Variants in UBE2E2 observed in about 807,000 individuals in gnomAD.
UBE2E2 encodes ubiquitin-conjugating enzyme E2 E2.
UBE2E2 carries 6 observed loss-of-function variants against 24.7 expected under a neutral mutation model. The ratio of observed to expected loss-of-function variants is 0.24; its 90% CI spans 0.13 to 0.48. The LOEUF (loss-of-function observed/expected upper bound fraction) is 0.48. UBE2E2 is among the 20% of genes least tolerant of loss of function. The pLI is 0.99. For missense variants in UBE2E2, 169 were observed against 245.0 expected, an observed-to-expected ratio of 0.69 and a Z score of 2.07; for synonymous variants, 104 against 83.6, an observed-to-expected ratio of 1.24 and a Z score of -1.33.
At chr3:23,519,499 A>C (rs1694812784) in intron 4 of UBE2E2, among the ~76,000 whole-genome samples, 1 of 152,198 alleles carries the variant, frequency 6.6e-6, no homozygotes, top group Non-Finnish European at 1.5e-5. Context: ...ATAGATGTTT[A>C]AACAATATTC....
chr3:23,544,959 T>A (rs1224801707), intron 5 of UBE2E2, among the ~76,000 whole-genome samples: 4 of 152,114 alleles, frequency 2.6e-5, no homozygotes, highest in Admixed American at 2.0e-4. Flanking sequence ...AGGTAAAGAA[T>A]CAAGTGCTGT....
At chr3:23,314,135 T>G (rs902906299) in intron 3 of UBE2E2, among the ~76,000 whole-genome samples, 1 of 152,154 alleles carries the variant, frequency 6.6e-6, no homozygotes, top group African/African-American at 2.4e-5. Flanking sequence ...AGTTACTCTT[T>G]TTGTTGTTGT....
At chr3:23,236,749 G>C (rs1697124003) in intron 3 of UBE2E2, among the ~76,000 whole-genome samples, 1 of 152,034 alleles carries the variant, frequency 6.6e-6, no homozygotes, top group South Asian at 2.1e-4. Context: ...GCCAGCGTTG[G>C]CCTAAGTGTA....
intron 3 of UBE2E2, among the ~76,000 whole-genome samples, chr3:23,374,400 A>C (rs1696469382): frequency 6.6e-6 from 1 of 152,200 alleles, no homozygotes; most frequent in South Asian, 2.1e-4. Flanking sequence ...AAATTGAATA[A>C]ATAAAACAAG....
intron 3 of UBE2E2, among the ~76,000 whole-genome samples, chr3:23,286,640 T>G (rs73037753): frequency 6.6e-6 from 1 of 152,214 alleles, no homozygotes; most frequent in South Asian, 2.1e-4. Context: ...CGGGGTCTTT[T>G]GTGGTTCCAT....
At chr3:23,446,705 T>TTG (rs1371252308) in intron 3 of UBE2E2, among the ~76,000 whole-genome samples, 4 of 141,296 alleles carry the variant, frequency 2.8e-5, no homozygotes, top group African/African-American at 1.1e-4. Flanking sequence ...TTTGGTTTTT[T>TTG]TTTTTTTTTT....
At chr3:23,430,143 A>C (rs563998151) in intron 3 of UBE2E2, among the ~76,000 whole-genome samples, 15 of 152,018 alleles carry the variant, frequency 9.9e-5, no homozygotes, top group South Asian at 2.1e-4. Context: ...GGACTGAAGC[A>C]GTCTGTCTAG....
chr3:23,448,621 C>A (rs1675472793), intron 3 of UBE2E2, among the ~76,000 whole-genome samples: 1 of 152,136 alleles, frequency 6.6e-6, no homozygotes, highest in African/African-American at 2.4e-5. Context: ...AAATAAATTT[C>A]TCTCACCAAT....
At chr3:23,437,163 C>T (rs1445245169) in intron 3 of UBE2E2, among the ~76,000 whole-genome samples, 3 of 152,188 alleles carry the variant, frequency 2.0e-5, no homozygotes, top group African/African-American at 4.8e-5. Context: ...CCCACACACG[C>T]CAGGTTTTTC....
intron 2 of UBE2E2, among the ~76,000 whole-genome samples, chr3:23,210,898 T>G (rs572149564): frequency 1.3e-5 from 2 of 152,314 alleles, no homozygotes; most frequent in South Asian, 2.1e-4. Context: ...TATGTACTAT[T>G]TATTTTAAAT....
chr3:23,208,174 A>G (rs1284522641), intron 1 of UBE2E2, among the ~76,000 whole-genome samples: 3 of 152,004 alleles, frequency 2.0e-5, no homozygotes, highest in African/African-American at 7.3e-5. Context: ...TTCCCAAAAC[A>G]TTGGGGATTA....
chr3:23,411,497 C>G (rs1174774624), intron 3 of UBE2E2, among the ~76,000 whole-genome samples: 1 of 152,120 alleles, frequency 6.6e-6, no homozygotes, highest in East Asian at 1.9e-4. Context: ...AATTCGAGAC[C>G]TCACCTGTCT....
At chr3:23,461,737 A>T (rs1020763835) in intron 3 of UBE2E2, among the ~76,000 whole-genome samples, 5 of 152,190 alleles carry the variant, frequency 3.3e-5, no homozygotes, top group African/African-American at 1.2e-4. Flanking sequence ...CCAGTATTAG[A>T]TGAACACAGT....
At chr3:23,381,751 T>A (rs1425006177) in intron 3 of UBE2E2, among the ~76,000 whole-genome samples, 1 of 152,238 alleles carries the variant, frequency 6.6e-6, no homozygotes, top group Non-Finnish European at 1.5e-5. Context: ...TTTATAATTG[T>A]GAGTCTCAAA....
intron 3 of UBE2E2, among the ~76,000 whole-genome samples, chr3:23,224,800 A>C (rs1392549116): frequency 6.6e-6 from 1 of 152,086 alleles, no homozygotes; most frequent in Non-Finnish European, 1.5e-5. Context: ...TGCTGTTATG[A>C]ACATTTATGT....
intron 3 of UBE2E2, among the ~76,000 whole-genome samples, chr3:23,312,336 A>G (rs1164530731): frequency 1.3e-5 from 2 of 152,162 alleles, no homozygotes; most frequent in Admixed American, 6.5e-5. Flanking sequence ...ATGCATAATA[A>G]TCATATCAGG....
intron 3 of UBE2E2, among the ~76,000 whole-genome samples, chr3:23,335,954 C>T (rs11705812): frequency 1.3e-5 from 2 of 152,098 alleles, no homozygotes; most frequent in Non-Finnish European, 2.9e-5. Flanking sequence ...TAGGGTAAGC[C>T]TCCCCAGTGC....
chr3:23,422,734 T>G (rs1418507503), intron 3 of UBE2E2, among the ~76,000 whole-genome samples: 1 of 152,200 alleles, frequency 6.6e-6, no homozygotes, highest in Admixed American at 6.5e-5. Flanking sequence ...CACTTAACAA[T>G]TAGAGCAGAC....
chr3:23,351,613 A>C (rs537394721), intron 3 of UBE2E2, among the ~76,000 whole-genome samples: 3 of 152,282 alleles, frequency 2.0e-5, no homozygotes, highest in Admixed American at 6.5e-5. Context: ...ACTTTAAACC[A>C]ACAAAGATCA....
Sources: gnomAD v4.1 joint callset for allele counts (sites outside exome capture counted in the v4.1 genomes callset) on GRCh38, gnomAD v4.1.1 for gene constraint, MANE v1.5 for transcripts, NCBI Gene and HGNC (gene_info 2026-07-23, HGNC 2026-07-21) for gene names.